LDB2: variants seen among roughly 807,000 people sequenced by gnomAD.
LDB2 encodes the protein LIM domain-binding protein 2.
A neutral mutation model predicts 44.3 loss-of-function variants in LDB2; 12 were observed. The observed-to-expected ratio is 0.27, with a 90% CI of 0.17 to 0.44. The LOEUF is 0.44. Ranked by LOEUF, LDB2 falls within the 20% of genes least tolerant of loss-of-function variation. The pLI is 1.00. For synonymous variants in LDB2, 164 were observed against 174.8 expected (o/e 0.94, Z 0.49); for missense variants, 344 against 473.5 (o/e 0.73, Z 2.54).
chr4:16,759,068 T>C, intron 2 of LDB2, 90 bp downstream of exon 2: 6 of 772,582 alleles, frequency 7.8e-6, no homozygotes, highest in South Asian at 1.6e-5. Flanking sequence ...ATTGTCAGGC[T>C]GTCAGCTCTG....
chr4:16,530,162 G>A (rs1291519110), intron 5 of LDB2, among the ~76,000 whole-genome samples: 1 of 152,166 alleles, frequency 6.6e-6, no homozygotes, highest in African/African-American at 2.4e-5. Context: ...CTCCTGGACA[G>A]TTTTACAGTA....
intron 1 of LDB2, among the ~76,000 whole-genome samples, chr4:16,878,086 G>A (rs568211630): frequency 6.6e-6 from 1 of 152,278 alleles, no homozygotes; most frequent in Non-Finnish European, 1.5e-5. Context: ...TGAAGATATT[G>A]TAAAAGTTAA....
chr4:16,705,566 G>T (rs1194408137), intron 2 of LDB2, among the ~76,000 whole-genome samples: 1 of 152,156 alleles, frequency 6.6e-6, no homozygotes, highest in South Asian at 2.1e-4. Context: ...GCCTGCCTGC[G>T]CTTAGTACAG....
At chr4:16,723,617 C>T (rs1004159859) in intron 2 of LDB2, among the ~76,000 whole-genome samples, 1 of 152,142 alleles carries the variant, frequency 6.6e-6, no homozygotes, top group Non-Finnish European at 1.5e-5. Context: ...TACCTCCAAA[C>T]TGTCTTCTCT....
chr4:16,786,197 C>T (rs527536490), intron 1 of LDB2, among the ~76,000 whole-genome samples: 4 of 152,304 alleles, frequency 2.6e-5, no homozygotes, highest in Non-Finnish European at 5.9e-5. Context: ...ACTCATAAGT[C>T]AGCCGATCTA....
At chr4:16,557,122 G>A (rs142600452) in intron 5 of LDB2, among the ~76,000 whole-genome samples, 3,009 of 152,260 alleles carry the variant, frequency 0.02, 72 homozygotes, top group African/African-American at 0.051. Flanking sequence ...GAACAGCGCC[G>A]GTCTATAGCT....
At chr4:16,817,555 A>C (rs1475746752) in intron 1 of LDB2, among the ~76,000 whole-genome samples, 1 of 152,264 alleles carries the variant, frequency 6.6e-6, no homozygotes, top group Non-Finnish European at 1.5e-5. Flanking sequence ...ACAATCCAAC[A>C]GCAGTAAAAC....
At chr4:16,815,244 A>T (rs180746058) in intron 1 of LDB2, among the ~76,000 whole-genome samples, 1 of 152,370 alleles carries the variant, frequency 6.6e-6, no homozygotes, top group East Asian at 1.9e-4. Context: ...TACTGTGTTG[A>T]TCACAATTTT....
intron 2 of LDB2, among the ~76,000 whole-genome samples, chr4:16,638,842 T>C (rs1734343285): frequency 8.2e-6 from 1 of 122,662 alleles, no homozygotes; most frequent in South Asian, 3.1e-4. Flanking sequence ...ACAAGAGCAA[T>C]GTGTCCTGTG....
intron 1 of LDB2, among the ~76,000 whole-genome samples, chr4:16,798,304 A>G (rs2109707689): frequency 6.6e-6 from 1 of 152,250 alleles, no homozygotes; most frequent in East Asian, 1.9e-4. Flanking sequence ...GAAAGAAGTG[A>G]GTTCAAGTAA....
At chr4:16,581,942 A>G (rs1340235192) in intron 5 of LDB2, among the ~76,000 whole-genome samples, 6 of 151,470 alleles carry the variant, frequency 4.0e-5, no homozygotes, top group African/African-American at 1.5e-4. Context: ...GAAAGAAAGG[A>G]AGGGAGGGAG....
At chr4:16,712,925 A>G (rs1302133657) in intron 2 of LDB2, among the ~76,000 whole-genome samples, 1 of 152,266 alleles carries the variant, frequency 6.6e-6, no homozygotes, top group Non-Finnish European at 1.5e-5. Flanking sequence ...GCAATTGTTT[A>G]TAATTGCCAA....
intron 1 of LDB2, among the ~76,000 whole-genome samples, chr4:16,808,119 A>T (rs923144576): frequency 6.6e-6 from 1 of 152,164 alleles, no homozygotes. Flanking sequence ...AAGGAAAAAA[A>T]GGAAAGGAAA....
At position 16,568,530 on chromosome 4, in the gene LDB2, C is replaced by T. The variant is rs1745342670; in HGVS notation, c.615+17392G>A. Among the ~76,000 whole-genome samples the T allele has an allele frequency of 2.0e-5, 3 of 152,240 alleles. No homozygotes were observed. In the South Asian group the frequency reaches 6.2e-4, roughly 32 times the overall value. ...GGTAGGTATTAGCCCACTAACCCAT[C>T]CCGAAACCCATTTTACAGAAGAGTA... On this transcript the variant is annotated intron_variant, in intron 5 of 7. Transcript: ENST00000304523.
chr4:16,548,274 CCCTTTGACTCTGATGA>C (rs1206972292), intron 5 of LDB2, among the ~76,000 whole-genome samples: 1 of 152,172 alleles, frequency 6.6e-6, no homozygotes, highest in Non-Finnish European at 1.5e-5. Context: ...CCATAGTTCA[CCCTTTGACTCTGATGA>C]GGCTGCTTTC....
intron 5 of LDB2, among the ~76,000 whole-genome samples, chr4:16,529,323 C>T (rs1479295102): frequency 1.3e-5 from 2 of 152,090 alleles, no homozygotes; most frequent in Non-Finnish European, 1.5e-5. Context: ...TATGTGTCTG[C>T]CTCCCTAATG....
intron 1 of LDB2, among the ~76,000 whole-genome samples, chr4:16,764,508 G>T: frequency 1.4e-5 from 2 of 145,430 alleles, no homozygotes; most frequent in African/African-American, 2.6e-5. Context: ...TACCTTATGA[G>T]TTATGGACAA....
intron 2 of LDB2, among the ~76,000 whole-genome samples, chr4:16,743,383 G>C (rs1763736724): frequency 2.6e-5 from 4 of 152,080 alleles, no homozygotes. Context: ...TGGCCTCCAA[G>C]ATTCCCACCC....
intron 2 of LDB2, among the ~76,000 whole-genome samples, chr4:16,616,083 C>T (rs1217602768): frequency 6.6e-6 from 1 of 152,186 alleles, no homozygotes; most frequent in Non-Finnish European, 1.5e-5. Flanking sequence ...AACTTTTCTT[C>T]CTAACATTCA....
Sources: gnomAD v4.1 joint callset for allele counts (sites outside exome capture counted in the v4.1 genomes callset) on GRCh38, gnomAD v4.1.1 for gene constraint, MANE v1.5 for transcripts, NCBI Gene and HGNC (gene_info 2026-07-23, HGNC 2026-07-21) for gene names.